MCTP2: variants seen among roughly 807,000 people sequenced by gnomAD.
MCTP2 encodes multiple C2 and transmembrane domain-containing protein 2.
In MCTP2, 132 loss-of-function variants were observed where a neutral mutation model predicts 111.6. The ratio of observed to expected loss-of-function variants is 1.18; its 90% CI spans 1.03 to 1.37. The LOEUF is 1.37. Ranked by LOEUF, MCTP2 falls within the 40% of genes most tolerant of loss-of-function variation. The pLI, the probability that MCTP2 is intolerant of heterozygous loss-of-function variation, is 0.00. For missense variants in MCTP2, 1,183 were observed against 1,067.9 expected (o/e 1.11, Z -1.50); for synonymous variants, 395 against 387.7 (o/e 1.02, Z -0.22).
At chr15:94,295,347 T>G (rs544084302) in intron 1 of MCTP2, among the ~76,000 whole-genome samples, 45 of 151,868 alleles carry the variant, frequency 3.0e-4, no homozygotes, top group African/African-American at 1.0e-3. Flanking sequence ...AATTTAAACT[T>G]GTAATATATC....
At chr15:94,243,404 T>C (rs541611408) in intron 1 of MCTP2, among the ~76,000 whole-genome samples, 3 of 146,024 alleles carry the variant, frequency 2.1e-5, no homozygotes, top group South Asian at 2.1e-4. Context: ...TATGCGTATG[T>C]ACATACATAC....
At chr15:94,350,864 G>C (rs1174429083) in intron 8 of MCTP2, among the ~76,000 whole-genome samples, 4 of 152,006 alleles carry the variant, frequency 2.6e-5, no homozygotes, top group East Asian at 3.8e-4. Context: ...CCTTGTTGTT[G>C]TGTTGTTTTA....
At chr15:94,318,855 C>T (rs190423955) in intron 4 of MCTP2, among the ~76,000 whole-genome samples, 201 of 152,294 alleles carry the variant, frequency 1.3e-3, no homozygotes, top group Non-Finnish European at 1.4e-3. Flanking sequence ...TCTGCTCTAA[C>T]CCCAGCCATT....
intron 20 of MCTP2, among the ~76,000 whole-genome samples, chr15:94,469,796 T>TG (rs949854185): frequency 5.3e-5 from 8 of 151,734 alleles, no homozygotes; most frequent in Admixed American, 1.3e-4. Context: ...CGTTTGAGCC[T>TG]GGGGGGTCGA....
intron 17 of MCTP2, among the ~76,000 whole-genome samples, chr15:94,421,352 G>A (rs1447241128): frequency 6.6e-6 from 1 of 152,114 alleles, no homozygotes; most frequent in African/African-American, 2.4e-5. Flanking sequence ...TCAGATGCAT[G>A]CCTGTACAAT....
chr15:94,260,484 G>C (rs2073119237), intron 1 of MCTP2, among the ~76,000 whole-genome samples: 2 of 152,148 alleles, frequency 1.3e-5, no homozygotes, highest in Non-Finnish European at 2.9e-5. Context: ...TGGGAATACA[G>C]GTTGTGGGCA....
intron 1 of MCTP2, among the ~76,000 whole-genome samples, chr15:94,232,443 C>T (rs1487437961): frequency 6.6e-6 from 1 of 152,122 alleles, no homozygotes; most frequent in Admixed American, 6.5e-5. Flanking sequence ...CTCAGTGAAC[C>T]GTGAGACGTT....
At chr15:94,306,757 A>G (rs2075898597) in intron 2 of MCTP2, among the ~76,000 whole-genome samples, 1 of 152,212 alleles carries the variant, frequency 6.6e-6, no homozygotes, top group Non-Finnish European at 1.5e-5. Flanking sequence ...GGAGTTGTGA[A>G]TAACTAGCTT....
chr15:94,357,434 C>T (rs2078686172), intron 9 of MCTP2, among the ~76,000 whole-genome samples: 1 of 152,162 alleles, frequency 6.6e-6, no homozygotes, highest in Non-Finnish European at 1.5e-5. Flanking sequence ...TTATTCATCA[C>T]TAAGCACACT....
At chr15:94,378,391 A>G (rs569514971) in intron 12 of MCTP2, among the ~76,000 whole-genome samples, 2 of 151,780 alleles carry the variant, frequency 1.3e-5, no homozygotes, top group East Asian at 3.9e-4. Context: ...GTATGGTGGC[A>G]TGTCCTTGTA....
intron 17 of MCTP2, 101 bp from the exon 18 acceptor site, chr15:94,440,075 A>C (rs1472890746): frequency 1.5e-6 from 2 of 1,336,198 alleles, no homozygotes; most frequent in Admixed American, 1.9e-5. Flanking sequence ...ATGTGACTAG[A>C]AAGAGTCCAA....
Position 94,470,324 on chromosome 15 carries a change from T to C in MCTP2, c.2361-9T>C. ...CAGAGGAAATTATATTTATGTGGTTTGTCTACAGCACATTTAACTGGACGG... is the reference window on the plus strand; with the variant it reads ...CAGAGGAAATTATATTTATGTGGTTCGTCTACAGCACATTTAACTGGACGG... On this transcript the variant is annotated splice_polypyrimidine_tract_variant and intron_variant, in intron 20 of 22. Coordinates refer to ENST00000357742, the MANE Select transcript of MCTP2 (RefSeq NM_001385001.1). The C allele has an allele frequency of 1.9e-6, 3 of 1,582,680 alleles. No homozygotes were observed. The highest frequency in any genetic ancestry group is 2.6e-6 in the Non-Finnish European group (3 of 1,151,724).
chr15:94,311,409 T>A (rs1454194979), intron 2 of MCTP2, among the ~76,000 whole-genome samples: 1 of 152,142 alleles, frequency 6.6e-6, no homozygotes, highest in African/African-American at 2.4e-5. Flanking sequence ...CTCTTTTTAA[T>A]GAAAAAAGTA....
chr15:94,324,698 T>C (rs1345125391), intron 4 of MCTP2, among the ~76,000 whole-genome samples: 1 of 152,020 alleles, frequency 6.6e-6, no homozygotes, highest in African/African-American at 2.4e-5. Flanking sequence ...TTAAAAGGAG[T>C]AGTTCAGAGA....
chr15:94,242,950 C>CACATATACACGTGTATATGTGTATCT lies in MCTP2; in HGVS notation c.-66+11290_-66+11315dup, dbSNP rs1567248329. ...ACATATACACGTGTATATGTAGATA[C>CACATATACACGTGTATATGTGTATCT]ACATATACACGTGTATATGTGTATC... On this transcript the variant is annotated intron_variant, in intron 1 of 22. Coordinates refer to ENST00000357742, the MANE Select transcript of MCTP2 (RefSeq NM_001385001.1). 4.6e-4 allele frequency among the ~76,000 whole-genome samples: 38 copies of CACATATACACGTGTATATGTGTATCT among 82,210 alleles called. 5 individuals carry two copies. The highest frequency in any genetic ancestry group is 4.5e-3 in the Admixed American group (38 of 8,468). The allele number at this position is 82,210 out of a possible 152,430, so 53.9% of individuals were successfully genotyped here.
intron 4 of MCTP2, among the ~76,000 whole-genome samples, chr15:94,333,517 T>C (rs902265289): frequency 6.6e-6 from 1 of 152,224 alleles, no homozygotes; most frequent in African/African-American, 2.4e-5. Context: ...ATATTAACAA[T>C]TGTTCTTGAG....
At chr15:94,240,346 T>G (rs1459017541) in intron 1 of MCTP2, among the ~76,000 whole-genome samples, 1 of 152,200 alleles carries the variant, frequency 6.6e-6, no homozygotes, top group Non-Finnish European at 1.5e-5. Context: ...CCTATGTCTT[T>G]TTTTACTTTC....
chr15:94,259,810 G>C (rs76227592), intron 1 of MCTP2, among the ~76,000 whole-genome samples: 7,925 of 152,226 alleles, frequency 0.052, 242 homozygotes, highest in African/African-American at 0.059. Context: ...GCTTGTAAAG[G>C]CTTCCCCAGG....
chr15:94,302,156 C>T (rs1226631175), intron 2 of MCTP2, among the ~76,000 whole-genome samples: 1 of 152,170 alleles, frequency 6.6e-6, no homozygotes, highest in African/African-American at 2.4e-5. Context: ...TTTGCCTCTT[C>T]TGTTGTGTAC....
Sources: allele counts gnomAD v4.1 joint callset (sites outside exome capture counted in the v4.1 genomes callset), GRCh38; gene constraint gnomAD v4.1.1; transcripts MANE v1.5; gene names NCBI Gene and HGNC (gene_info 2026-07-23, HGNC 2026-07-21).